The following CSNK2A1 variants were observed in gnomAD, a reference collection of about 807,000 sequenced individuals.
The protein encoded by CSNK2A1 is casein kinase 2 alpha 1.
CSNK2A1 carries 10 observed loss-of-function variants against 62.9 expected under a neutral mutation model. The ratio of observed to expected loss-of-function variants is 0.16; its 90% CI spans 0.10 to 0.27. The LOEUF is 0.27. CSNK2A1 is among the 10% of genes least tolerant of loss of function. CSNK2A1 has a pLI of 1.00. For missense variants in CSNK2A1, 160 were observed against 492.0 expected, an observed-to-expected ratio of 0.33 and a Z score of 6.38; for synonymous variants, 124 against 167.8, an observed-to-expected ratio of 0.74 and a Z score of 2.02.
chr20:493,762 T>A (rs558268521), intron 8 of CSNK2A1, among the ~76,000 whole-genome samples: 4 of 152,316 alleles, frequency 2.6e-5, no homozygotes, highest in Non-Finnish European at 5.9e-5. Context: ...ACCACACACA[T>A]GTCCTGTGTG....
chr20:491,747 C>A (rs1286037807), intron 9 of CSNK2A1, among the ~76,000 whole-genome samples: 1 of 151,950 alleles, frequency 6.6e-6, no homozygotes, highest in Non-Finnish European at 1.5e-5. Flanking sequence ...CACAGTGAAA[C>A]CCAGTCTCTA....
chr20:505,323 A>T, intron 3 of CSNK2A1, 94 bp from the exon 4 acceptor site: 1 of 856,224 alleles, frequency 1.2e-6, no homozygotes, highest in Non-Finnish European at 1.8e-6. Context: ...AATAGAAATA[A>T]GAAGTATTTC....
intron 9 of CSNK2A1, among the ~76,000 whole-genome samples, chr20:490,335 C>CTTTTTTTTTTT (rs907727482): frequency 7.1e-5 from 6 of 84,792 alleles, no homozygotes; most frequent in African/African-American, 1.1e-4. Flanking sequence ...CTAGTTTTTT[C>CTTTTTTTTTTT]TTTTTTTTTT....
Position 511,323 on chromosome 20 carries a change from GGA to G in CSNK2A1, c.-109-2665_-109-2664del, listed in dbSNP as rs758459237. Among the ~76,000 whole-genome samples the G allele has an allele frequency of 1.3e-4, 20 of 152,174 alleles. No homozygotes were observed. The East Asian group carries it at 2.1e-3, about 16-fold the overall frequency. ...CCACTGCACTCCAGCCTGGGTGACA[GGA>G]GAGAGACCTCATCTAAAAAAAATAA... is the stretch of plus-strand genomic sequence containing the variant. On this transcript the variant is annotated intron_variant, in intron 2 of 13. Transcript: ENST00000217244.
chr20:539,507 C>T (rs953460264), intron 1 of CSNK2A1: 1 of 152,192 alleles, frequency 6.6e-6, no homozygotes, highest in African/African-American at 2.4e-5. Context: ...ATCTCTGACA[C>T]CAGCCAGAAA....
chr20:502,457 T>TA (rs919188551), intron 4 of CSNK2A1: 2 of 152,216 alleles, frequency 1.3e-5, no homozygotes, highest in Admixed American at 1.3e-4. Context: ...TCTATAAACT[T>TA]AAAAAGCTGG....
At chr20:531,753 CAAG>C (rs1019117285) in intron 1 of CSNK2A1, among the ~76,000 whole-genome samples, 3 of 152,090 alleles carry the variant, frequency 2.0e-5, no homozygotes, top group African/African-American at 4.8e-5. Flanking sequence ...TGAAGGAAGA[CAAG>C]AAGACAATGT....
chr20:506,345 T>C (rs540084394), intron 3 of CSNK2A1: 3 of 152,358 alleles, frequency 2.0e-5, no homozygotes, highest in African/African-American at 7.2e-5. Flanking sequence ...ATAGGCTTAA[T>C]CTATTTGCCC....
At chr20:539,687 TC>T (rs1193894713) in intron 1 of CSNK2A1, 25 of 152,324 alleles carry the variant, frequency 1.6e-4, no homozygotes, top group Non-Finnish European at 4.4e-5. Context: ...CAGTCTGCCT[TC>T]TGGTTTCCAA....
At chr20:484,386 C>A (rs1423854830) in intron 13 of CSNK2A1, among the ~76,000 whole-genome samples, 1 of 152,210 alleles carries the variant, frequency 6.6e-6, no homozygotes, top group African/African-American at 2.4e-5. Context: ...GAGATGTCCA[C>A]CCTGGTGACC....
chr20:476,322 G>C lies in CSNK2A1; in HGVS notation c.*7639C>G, dbSNP rs1203496282. 6.6e-6 allele frequency: 1 copy of C among 152,330 alleles called. No individual in the cohort carries two copies. The highest frequency in any genetic ancestry group is 2.4e-5 in the African/African-American group (1 of 41,452). 9.4% of individuals were successfully genotyped at this position (152,330 alleles called of 1,614,324 possible). On this transcript the variant is annotated 3_prime_UTR_variant, in exon 14 of 14. Transcript: ENST00000217244. The stretch of plus-strand genomic sequence containing the variant: ...CACCCAGGCTGGAGTACACTGACGT[G>C]ATCTCAGCTCACTGTAACCGCCACC...
chr20:508,809 C>G lies in CSNK2A1; in HGVS notation c.-109-149G>C, dbSNP rs765759576. The stretch of plus-strand genomic sequence containing the variant: ...TATAGCTCAACTGTGTTAACCAGTG[C>G]TTCCTATAACATGAGAAGAAAAATC... On this transcript the variant is annotated intron_variant, in intron 2 of 13. Transcript: ENST00000217244. The G allele has an allele frequency of 8.9e-5, 33 of 370,310 alleles. 1 individual carries two copies. The highest frequency in any genetic ancestry group is 7.3e-4 in the Admixed American group (16 of 22,014). The allele number at this position is 370,310 out of a possible 1,614,324, so 22.9% of individuals were successfully genotyped here. A position where few individuals can be genotyped will look rare whatever the true frequency, so the allele number is the denominator to read the frequency against.
intron 1 of CSNK2A1, among the ~76,000 whole-genome samples, chr20:540,308 A>G (rs183751220): frequency 2.2e-4 from 33 of 152,356 alleles, no homozygotes; most frequent in Middle Eastern, 3.4e-3. Flanking sequence ...TCACAAATAA[A>G]CCAGGCTGCA....
Position 473,742 on chromosome 20 carries a change from T to C in CSNK2A1, c.*10219A>G, listed in dbSNP as rs1487567204. 1 of 152,276 alleles carries C rather than the reference T, an allele frequency of 6.6e-6. No individual in the cohort carries two copies. Among genetic ancestry groups the C allele is most frequent in the Admixed American group, 6.5e-5 (1 of 15,282 alleles). 9.4% of individuals were successfully genotyped at this position (152,276 alleles called of 1,614,324 possible). ...AGTCCCTCACCAGTGTCCACTTGTG[T>C]TTACCAGGTAACCAGTGCCCATGTC... On this transcript the variant is annotated 3_prime_UTR_variant, in exon 14 of 14. Coordinates refer to ENST00000217244, the MANE Select transcript of CSNK2A1 (RefSeq NM_177559.3).
intron 2 of CSNK2A1, among the ~76,000 whole-genome samples, chr20:525,134 A>T (rs938667856): frequency 6.6e-6 from 1 of 152,028 alleles, no homozygotes; most frequent in African/African-American, 2.4e-5. Flanking sequence ...ATTTTAAATA[A>T]AAAAAAACAT....
At chr20:538,541 A>G (rs754367344) in intron 1 of CSNK2A1, among the ~76,000 whole-genome samples, 2 of 152,224 alleles carry the variant, frequency 1.3e-5, no homozygotes, top group Non-Finnish European at 2.9e-5. Context: ...TATGAATCCA[A>G]TTAATAGGAT....
rs1484938259 is a variant in CSNK2A1 at position 499,463 on chromosome 20, C to G, written c.316-158G>C. ...TACAAGCCCTCCCCGCTCTGATCAT[C>G]ACCGCACTTAGGTCATTTTTGGGAT... On this transcript the variant is annotated intron_variant, in intron 5 of 13. Coordinates refer to ENST00000217244, the MANE Select transcript of CSNK2A1 (RefSeq NM_177559.3). This position sits in a 1 kb window ranked among gnomAD's most constrained non-coding sequence, Gnocchi z 4.2. 1 of 596,956 alleles carries G rather than the reference C, an allele frequency of 1.7e-6. No individual in the cohort carries two copies. Among genetic ancestry groups the G allele is most frequent in the African/African-American group, 1.9e-5 (1 of 53,672 alleles). 37.0% of individuals were successfully genotyped at this position (596,956 alleles called of 1,614,324 possible). A position where few individuals can be genotyped will look rare whatever the true frequency, so the allele number is the denominator to read the frequency against.
intron 13 of CSNK2A1, among the ~76,000 whole-genome samples, chr20:485,886 A>G (rs1482406141): frequency 1.3e-5 from 2 of 152,220 alleles, no homozygotes; most frequent in Admixed American, 6.5e-5. Flanking sequence ...GGTACTCTAT[A>G]AAAATTCACT....
chr20:474,952 T>C lies in CSNK2A1; in HGVS notation c.*9009A>G, dbSNP rs1170436572. 4 of 152,156 alleles carry C rather than the reference T, an allele frequency of 2.6e-5. No homozygotes were observed. The highest frequency in any genetic ancestry group is 2.6e-4 in the Admixed American group (4 of 15,270). The allele number at this position is 152,156 out of a possible 1,614,324, so 9.4% of individuals were successfully genotyped here. On this transcript the variant is annotated 3_prime_UTR_variant, in exon 14 of 14. Coordinates refer to ENST00000217244, the MANE Select transcript of CSNK2A1 (RefSeq NM_177559.3). The stretch of plus-strand genomic sequence containing the variant: ...TTTCATTTTGTAAACTTTTAAACAT[T>C]TGAACTCTAGCAAATATACTGAGAA...
Sources: gnomAD v4.1 joint callset for allele counts (sites outside exome capture counted in the v4.1 genomes callset) on GRCh38, gnomAD v4.1.1 for gene constraint, Gnocchi (gnomAD v3.1) non-coding constraint, MANE v1.5 for transcripts, NCBI Gene and HGNC (gene_info 2026-07-23, HGNC 2026-07-21) for gene names.